Variants in BRIP1 observed in about 807,000 individuals in gnomAD.
The protein encoded by BRIP1 is BRCA1 interacting DNA helicase 1, also known as Fanconi anemia group J protein.
A neutral mutation model predicts 119.7 loss-of-function variants in BRIP1; 88 were observed. The ratio of observed to expected loss-of-function variants is 0.74; its 90% CI spans 0.62 to 0.88. The LOEUF is 0.88. Among genes scored for constraint, BRIP1 ranks in the 40% least tolerant of loss-of-function variants. The pLI is 0.00. For synonymous variants in BRIP1, 443 were observed against 496.5 expected (o/e 0.89, Z 1.43); for missense variants, 1,259 against 1,455.4 (o/e 0.87, Z 2.20).
rs147004217 is a variant in BRIP1, at chr17:61,770,933, T to G, written c.2097+5468A>C. Among the ~76,000 whole-genome samples the G allele has an allele frequency of 7.7e-4, 117 of 152,298 alleles. No individual in the cohort carries two copies. Among genetic ancestry groups the G allele is most frequent in the African/African-American group, 2.7e-3 (113 of 41,568 alleles). On this transcript the variant is annotated intron_variant, in intron 14 of 19. Coordinates refer to ENST00000259008, the MANE Select transcript of BRIP1 (RefSeq NM_032043.3). This position sits in a 1 kb window ranked among gnomAD's most constrained non-coding sequence, Gnocchi z 4.7. ...GCATTTGTAAACACTACCTTAGCACTAATTACATTAAACGTAAATGGAGTA... is the reference window on the plus strand; with the variant it reads ...GCATTTGTAAACACTACCTTAGCACGAATTACATTAAACGTAAATGGAGTA...
At position 61,851,276 on chromosome 17, in the gene BRIP1, T is replaced by C. The variant is rs758064154; in HGVS notation, c.380-2020A>G. On this transcript the variant is annotated intron_variant, in intron 4 of 19. Transcript: ENST00000259008. This position sits in a 1 kb window ranked among gnomAD's most constrained non-coding sequence, Gnocchi z 4.6. ...TTGCTTAAAATTTCCAAAATAGGGA[T>C]GAAAGACCCAGAACTTCCCTGATCC... Among the ~76,000 whole-genome samples, 1 of 152,084 alleles carries C rather than the reference T, an allele frequency of 6.6e-6. No homozygotes were observed. Among genetic ancestry groups the C allele is most frequent in the African/African-American group, 2.4e-5 (1 of 41,428 alleles).
At position 61,720,093 on chromosome 17, in the gene BRIP1, C is replaced by A. The variant is rs532978974; in HGVS notation, c.2380-4030G>T. Among the ~76,000 whole-genome samples the A allele has an allele frequency of 1.1e-4, 16 of 152,230 alleles. No homozygotes were observed. In the East Asian group the frequency reaches 1.7e-3, roughly 17 times the overall value. On this transcript the variant is annotated intron_variant, in intron 16 of 19. Coordinates refer to ENST00000259008, the MANE Select transcript of BRIP1 (RefSeq NM_032043.3). This position sits in a 1 kb window ranked among gnomAD's most constrained non-coding sequence, Gnocchi z 4.3. The stretch of plus-strand genomic sequence containing the variant: ...TCAAGAAAACCTCCCACCTTGACCT[C>A]CCAAAGTGCTAGGAATACAGGCATG...
Position 61,691,324 on chromosome 17 carries a change from A to G in BRIP1, c.2575+2106T>C, listed in dbSNP as rs1279421489. Reference sequence around the variant, plus strand: ...TAAAATACCTAGGAATAAACAACTAAGGAGGCAAAAAACCTGTACACTGGA... The same window carrying G: ...TAAAATACCTAGGAATAAACAACTAGGGAGGCAAAAAACCTGTACACTGGA... On this transcript the variant is annotated intron_variant, in intron 18 of 19. Transcript: ENST00000259008. The surrounding 1 kb of genome is among the most constrained non-coding windows in gnomAD (Gnocchi z 5.0). Among the ~76,000 whole-genome samples the G allele has an allele frequency of 6.6e-6, 1 of 152,212 alleles. No individual in the cohort carries two copies. The highest frequency in any genetic ancestry group is 1.9e-4 in the East Asian group (1 of 5,206).
intron 14 of BRIP1, among the ~76,000 whole-genome samples, chr17:61,747,148 A>C (rs1414567846): frequency 6.6e-6 from 1 of 152,256 alleles, no homozygotes; most frequent in Non-Finnish European, 1.5e-5. Flanking sequence ...TGGAAAAAAA[A>C]CCACAACATA....
rs2077603407 is a variant in BRIP1, at chr17:61,780,671, T to A, written c.1794+169A>T. ...TGAGCCTGGAAGGTCAAGGCTACAG[T>A]GAGCTGAGATTGCACCACTGCACTC... On this transcript the variant is annotated intron_variant, in intron 12 of 19. Transcript: ENST00000259008. The surrounding 1 kb of genome is among the most constrained non-coding windows in gnomAD (Gnocchi z 5.4). Among the ~76,000 whole-genome samples, 1 of 152,110 alleles carries A rather than the reference T, an allele frequency of 6.6e-6. No individual in the cohort carries two copies. The highest frequency in any genetic ancestry group is 1.5e-5 in the Non-Finnish European group (1 of 68,016).
rs2145421541 is a variant in BRIP1 at position 61,808,707 on chromosome 17, A to G, written c.678T>C (p.Ser226=). ...RCCCSTKQGN[S]QESSNTIKKD... ...TCTTAATGGTATTCGATGACTCTTG[A>G]CTGTTTCCTTGTTTAGTAGAACAAC... The change falls in exon 7 of 20, where the codon AGT becomes AGC. Residue 226 remains serine, a synonymous_variant. Coordinates refer to ENST00000259008, the MANE Select transcript of BRIP1 (RefSeq NM_032043.3). The surrounding 1 kb of genome is among the most constrained non-coding windows in gnomAD (Gnocchi z 4.1). The G allele has an allele frequency of 6.2e-7, 1 of 1,613,852 alleles. No individual in the cohort carries two copies. Among genetic ancestry groups the G allele is most frequent in the South Asian group, 1.1e-5 (1 of 91,074 alleles).
chr17:61,770,561 C>A lies in BRIP1; in HGVS notation c.2097+5840G>T, dbSNP rs2077433838. Among the ~76,000 whole-genome samples, 1 of 151,754 alleles carries A rather than the reference C, an allele frequency of 6.6e-6. No individual in the cohort carries two copies. The highest frequency in any genetic ancestry group is 1.5e-5 in the Non-Finnish European group (1 of 67,948). ...GTTGCAAAAGGTAATAATTGTAAAT[C>A]TGTGTTGAGAGACATACAATGTGTA... On this transcript the variant is annotated intron_variant, in intron 14 of 19. Transcript: ENST00000259008. This position sits in a 1 kb window ranked among gnomAD's most constrained non-coding sequence, Gnocchi z 4.7.
chr17:61,787,381 CTA>C (rs2077742650), intron 10 of BRIP1, among the ~76,000 whole-genome samples: 1 of 54,204 alleles, frequency 1.8e-5, no homozygotes, highest in African/African-American at 8.6e-5. Context: ...TAGTTATATA[CTA>C]TATATAGTAT....
intron 6 of BRIP1, among the ~76,000 whole-genome samples, chr17:61,833,939 T>C (rs909675921): frequency 6.6e-6 from 1 of 152,198 alleles, no homozygotes; most frequent in East Asian, 1.9e-4. Context: ...GTATATATTT[T>C]AGGTTTTGTG....
At position 61,704,354 on chromosome 17, in the gene BRIP1, GT is replaced by G. The variant is rs1381305140; in HGVS notation, c.2493-10843del. On this transcript the variant is annotated intron_variant, in intron 17 of 19. Transcript: ENST00000259008. The surrounding 1 kb of genome is among the most constrained non-coding windows in gnomAD (Gnocchi z 5.7). ...TTTTAGAAGAGATTATGTAAAATTT[GT>G]GTTATTTCTTCTTTAAATGTTTGGT... Among the ~76,000 whole-genome samples, 3 of 152,042 alleles carry G rather than the reference GT, an allele frequency of 2.0e-5. No individual in the cohort carries two copies.
chr17:61,719,127 A>T (rs1275252610), intron 16 of BRIP1, among the ~76,000 whole-genome samples: 1 of 151,958 alleles, frequency 6.6e-6, no homozygotes, highest in African/African-American at 2.4e-5. Flanking sequence ...CTAAATAAAG[A>T]TATGTGGAGT....
rs1555603071 is a variant in BRIP1, at chr17:61,782,388, G to GGA, written c.1629-1384_1629-1383insTC. On this transcript the variant is annotated intron_variant, in intron 11 of 19. Coordinates refer to ENST00000259008, the MANE Select transcript of BRIP1 (RefSeq NM_032043.3). ...GTGACAGAGCGAGACTCCCGTCTCAGAAAAAAAAAAAAAAAAAGGAAAAGA... is the reference window on the plus strand; with the variant it reads ...GTGACAGAGCGAGACTCCCGTCTCAGGAAAAAAAAAAAAAAAAAAGGAAAAGA... Among the ~76,000 whole-genome samples, 174 of 113,040 alleles carry GGA rather than the reference G, an allele frequency of 1.5e-3. 2 individuals carry two copies. The highest frequency in any genetic ancestry group is 2.1e-3 in the Non-Finnish European group (127 of 59,644). The allele number at this position is 113,040 out of a possible 152,430, so 74.2% of individuals were successfully genotyped here.
In BRIP1 at chr17:61,730,753, G is replaced by A. The variant is rs1036506842; in HGVS notation, c.2379+12260C>T. Among the ~76,000 whole-genome samples, 3 of 151,994 alleles carry A rather than the reference G, an allele frequency of 2.0e-5. No individual in the cohort carries two copies. Among genetic ancestry groups the A allele is most frequent in the African/African-American group, 4.8e-5 (2 of 41,406 alleles). On this transcript the variant is annotated intron_variant, in intron 16 of 19. Transcript: ENST00000259008. This position sits in a 1 kb window ranked among gnomAD's most constrained non-coding sequence, Gnocchi z 4.3. ...GGAAATACAATGACATGAGTATTAG[G>A]AGAAAAAGGTTATCAACCGAACTTG...
intron 17 of BRIP1, among the ~76,000 whole-genome samples, chr17:61,702,334 A>G (rs563888585): frequency 6.6e-6 from 1 of 152,314 alleles, no homozygotes; most frequent in South Asian, 2.1e-4. Flanking sequence ...ATTGCATGTC[A>G]TGGTGATTTG....
chr17:61,855,259 G>A lies in BRIP1; in HGVS notation c.379+1799C>T, dbSNP rs573375858. ...TTGATTCTGGTGAAAGTTTCATGGA[G>A]GTACATATGTCAAAATGTATCAAAG... On this transcript the variant is annotated intron_variant, in intron 4 of 19. Transcript: ENST00000259008. Among the ~76,000 whole-genome samples, 32 of 152,264 alleles carry A rather than the reference G, an allele frequency of 2.1e-4. 1 individual carries two copies. In the South Asian group the frequency reaches 6.6e-3, roughly 32 times the overall value.
rs565089228 is a variant in BRIP1 at position 61,705,817 on chromosome 17, T to C, written c.2492+10134A>G. 6.6e-6 allele frequency among the ~76,000 whole-genome samples: 1 copy of C among 152,272 alleles called. No homozygotes were observed. The highest frequency in any genetic ancestry group is 2.4e-5 in the African/African-American group (1 of 41,568). ...AACTTGCTGTTTTGCCTGTGGATTA[T>C]TTAGAAATATGCTGCTTAATTTCCA... On this transcript the variant is annotated intron_variant, in intron 17 of 19. Transcript: ENST00000259008. The surrounding 1 kb of genome is among the most constrained non-coding windows in gnomAD (Gnocchi z 5.0).
intron 6 of BRIP1, among the ~76,000 whole-genome samples, chr17:61,820,715 C>T (rs561389241): frequency 4.6e-5 from 7 of 151,950 alleles, no homozygotes; most frequent in Non-Finnish European, 1.0e-4. Flanking sequence ...TTTGGGAGAC[C>T]GAGGGGAGTG....
Position 61,708,966 on chromosome 17 carries a change from C to T in BRIP1, c.2492+6985G>A, listed in dbSNP as rs532260819. The stretch of plus-strand genomic sequence containing the variant: ...AATCCCCGTATATAATATTAACCTC[C>T]ATCTTTAATACGTCCTCAGCTGTGC... On this transcript the variant is annotated intron_variant, in intron 17 of 19. Coordinates refer to ENST00000259008, the MANE Select transcript of BRIP1 (RefSeq NM_032043.3). The surrounding 1 kb of genome is among the most constrained non-coding windows in gnomAD (Gnocchi z 4.4). Among the ~76,000 whole-genome samples the T allele has an allele frequency of 4.6e-4, 70 of 152,258 alleles. No individual in the cohort carries two copies. Among genetic ancestry groups the T allele is most frequent in the African/African-American group, 1.6e-3 (68 of 41,542 alleles).
chr17:61,830,431 A>G (rs1410696296), intron 6 of BRIP1, among the ~76,000 whole-genome samples: 2 of 148,682 alleles, frequency 1.3e-5, no homozygotes, highest in East Asian at 3.9e-4. Context: ...TGAATTCTAG[A>G]TTAAGCAAAA....
Sources: gnomAD v4.1 joint callset for allele counts (sites outside exome capture counted in the v4.1 genomes callset) on GRCh38, gnomAD v4.1.1 for gene constraint, Gnocchi (gnomAD v3.1) non-coding constraint, MANE v1.5 for transcripts, NCBI Gene and HGNC (gene_info 2026-07-23, HGNC 2026-07-21) for gene names.